Variants in PC observed in about 807,000 individuals in gnomAD.
The protein encoded by PC is pyruvate carboxylase.
A neutral mutation model predicts 107.8 loss-of-function variants in PC; 46 were observed. That is an observed-to-expected ratio of 0.43 (90% CI 0.34 to 0.55). The LOEUF (loss-of-function observed/expected upper bound fraction) is 0.55. Among genes scored for constraint, PC ranks in the 20% least tolerant of loss-of-function variants. The probability of loss-of-function intolerance (pLI) is 0.04; values close to 1 mark genes in which losing one functional copy is unlikely to be tolerated. For missense variants in PC, 1,241 were observed against 1,643.1 expected (o/e 0.76, Z 4.23); for synonymous variants, 662 against 684.7 (o/e 0.97, Z 0.52).
intron 19 of PC, 34 bp downstream of exon 19, chr11:66,850,186 C>T (rs1055746825): frequency 6.2e-7 from 1 of 1,613,624 alleles, no homozygotes; most frequent in African/African-American, 1.3e-5. Context: ...GCATGCAGGG[C>T]TGGGTCAGGT....
chr11:66,859,336 G>C (rs1197718854), intron 12 of PC, among the ~76,000 whole-genome samples: 1 of 152,186 alleles, frequency 6.6e-6, no homozygotes, highest in Non-Finnish European at 1.5e-5. Context: ...AGCTGTGCAG[G>C]CCTCCCCGGC....
At chr11:66,854,946 AGAGCCCC>A (rs1190128700) in intron 12 of PC, among the ~76,000 whole-genome samples, 2 of 152,188 alleles carry the variant, frequency 1.3e-5, no homozygotes, top group African/African-American at 2.4e-5. Flanking sequence ...AACCATCCAA[AGAGCCCC>A]GAGCGCGCAG....
intron 21 of PC, 113 bp from the exon 22 acceptor site, chr11:66,849,483 C>G: frequency 3.7e-6 from 6 of 1,603,778 alleles, no homozygotes; most frequent in Non-Finnish European, 5.1e-6. Context: ...TCCTAAAGGC[C>G]TAGCTCCCGG....
chr11:66,899,253 G>A (rs1217255917), intron 3 of PC, among the ~76,000 whole-genome samples: 2 of 152,130 alleles, frequency 1.3e-5, no homozygotes, highest in African/African-American at 4.8e-5. Flanking sequence ...TTGCTCTCAA[G>A]GTTCATCCGT....
chr11:66,866,929 C>T lies in PC; in HGVS notation c.1023-580G>A, dbSNP rs1261699773. The stretch of plus-strand genomic sequence containing the variant: ...GGGTGCTGGGTCAGGACCTGTCCTT[C>T]TGAGGCCTGTTTTCCTGCTGGACTT... On this transcript the variant is annotated intron_variant, in intron 10 of 22. Transcript: ENST00000393960. This position sits in a 1 kb window ranked among gnomAD's most constrained non-coding sequence, Gnocchi z 5.4. 6.6e-6 allele frequency among the ~76,000 whole-genome samples: 1 copy of T among 152,186 alleles called. No individual in the cohort carries two copies. The highest frequency in any genetic ancestry group is 6.5e-5 in the Admixed American group (1 of 15,282).
chr11:66,871,732 G>A lies in PC; in HGVS notation c.276C>T (p.Pro92=), dbSNP rs1475855830. Residue 92 remains proline, a synonymous_variant, in exon 5 of 23, where the codon CCC becomes CCT. Coordinates refer to ENST00000393960, the MANE Select transcript of PC (RefSeq NM_001040716.2). This position sits in a 1 kb window ranked among gnomAD's most constrained non-coding sequence, Gnocchi z 7.4. ...EAYLIGRGLA[P]VQAYLHIPDI... The stretch of plus-strand genomic sequence containing the variant: ...CTGGGATGTGCAGGTAGGCCTGCAC[G>A]GGGGCCAGGCCGCGGCCGATGAGAT... 8.9e-6 allele frequency: 14 copies of A among 1,578,216 alleles called. No homozygotes were observed. Among genetic ancestry groups the A allele is most frequent in the Admixed American group, 1.8e-5 (1 of 54,240 alleles).
chr11:66,906,654 C>T (rs1351431663), intron 3 of PC, among the ~76,000 whole-genome samples: 1 of 152,052 alleles, frequency 6.6e-6, no homozygotes, highest in Non-Finnish European at 1.5e-5. Flanking sequence ...TGCCCATGTA[C>T]ACACACATGC....
intron 13 of PC, 180 bp from the exon 14 acceptor site, chr11:66,853,016 AG>A: frequency 1.4e-6 from 1 of 693,994 alleles, no homozygotes; most frequent in Non-Finnish European, 2.4e-6. Context: ...GGACGTCTTG[AG>A]GACCACGTGG....
At chr11:66,862,685 C>T (rs552754053) in intron 12 of PC, among the ~76,000 whole-genome samples, 7 of 152,354 alleles carry the variant, frequency 4.6e-5, no homozygotes, top group East Asian at 3.9e-4. Context: ...AAGGCCGAGG[C>T]GGCATTTCCT....
intron 21 of PC, 118 bp downstream of exon 21, chr11:66,849,493 G>A (rs1945340935): frequency 6.2e-7 from 1 of 1,603,566 alleles, no homozygotes; most frequent in Non-Finnish European, 8.5e-7. Flanking sequence ...CTAGCTCCCG[G>A]TCTCAAGGGT....
At position 66,849,602 on chromosome 11, in the gene PC, G is replaced by A; in HGVS notation, c.3147+9C>T. The A allele has an allele frequency of 1.9e-6, 3 of 1,614,136 alleles. No homozygotes were observed. The highest frequency in any genetic ancestry group is 1.3e-5 in the African/African-American group (1 of 75,062). Reference sequence around the variant, plus strand: ...GGGTGGAGTGTGGAGAAGCGCCAGAGCCACTGACCTCAAACTCCTCTGCGA... The same window carrying A: ...GGGTGGAGTGTGGAGAAGCGCCAGAACCACTGACCTCAAACTCCTCTGCGA... On this transcript the variant is annotated intron_variant, in intron 21 of 22. Coordinates refer to ENST00000393960, the MANE Select transcript of PC (RefSeq NM_001040716.2).
intron 3 of PC, among the ~76,000 whole-genome samples, chr11:66,904,396 TG>T (rs1394168863): frequency 6.6e-6 from 1 of 152,180 alleles, no homozygotes. Flanking sequence ...CTCAGCACTT[TG>T]GGAGGCCAAA....
chr11:66,940,797 G>C (rs182179325), intron 3 of PC, among the ~76,000 whole-genome samples: 30 of 151,838 alleles, frequency 2.0e-4, no homozygotes, highest in African/African-American at 7.0e-4. Context: ...CACATCACAA[G>C]ATGCTCAAGG....
chr11:66,907,566 G>A (rs934273462), intron 3 of PC, among the ~76,000 whole-genome samples: 1 of 152,156 alleles, frequency 6.6e-6, no homozygotes, highest in Non-Finnish European at 1.5e-5. Flanking sequence ...AGGTCAAGTA[G>A]GGTTTGCCTA....
intron 12 of PC, chr11:66,860,620 C>T: frequency 1.4e-6 from 1 of 701,646 alleles, no homozygotes; most frequent in Non-Finnish European, 2.6e-6. Context: ...TTCCTGTCCA[C>T]AGGGGCGGCC....
intron 3 of PC, among the ~76,000 whole-genome samples, chr11:66,888,494 C>G (rs551800448): frequency 6.6e-6 from 1 of 152,300 alleles, no homozygotes; most frequent in Non-Finnish European, 1.5e-5. Context: ...GGGCAGCCAG[C>G]ACAGAGGAGG....
rs1946690032 is a variant in PC at position 66,870,699 on chromosome 11, C to T, written c.751+76G>A. ...CCCCAGGGCTGTCCCCAAGGCCAGC[C>T]ACTGTGACGGCACCAGGACTGGGCC... On this transcript the variant is annotated intron_variant, in intron 8 of 22. Transcript: ENST00000393960. This position sits in a 1 kb window ranked among gnomAD's most constrained non-coding sequence, Gnocchi z 6.1. 1 of 1,416,244 alleles carries T rather than the reference C, an allele frequency of 7.1e-7. No individual in the cohort carries two copies. The allele number at this position is 1,416,244 out of a possible 1,614,324, so 87.7% of individuals were successfully genotyped here.
intron 3 of PC, among the ~76,000 whole-genome samples, chr11:66,939,804 CAAAA>C (rs56761659): frequency 5.0e-5 from 2 of 40,162 alleles, no homozygotes; most frequent in East Asian, 1.9e-3. Flanking sequence ...AACTCCGTCT[CAAAA>C]AAAAAAAAAA....
chr11:66,947,223 A>C (rs1949319783), intron 3 of PC, among the ~76,000 whole-genome samples: 1 of 152,190 alleles, frequency 6.6e-6, no homozygotes, highest in Non-Finnish European at 1.5e-5. Flanking sequence ...GATGCCAAAA[A>C]GTAGAAGCAC....
Sources: gnomAD v4.1 joint callset for allele counts (sites outside exome capture counted in the v4.1 genomes callset) on GRCh38, gnomAD v4.1.1 for gene constraint, Gnocchi (gnomAD v3.1) non-coding constraint, MANE v1.5 for transcripts, NCBI Gene and HGNC (gene_info 2026-07-23, HGNC 2026-07-21) for gene names.